LGR6: variants seen among roughly 807,000 people sequenced by gnomAD.
LGR6 encodes leucine-rich repeat-containing G protein-coupled receptor 6.
In LGR6, 45 loss-of-function variants were observed where a neutral mutation model predicts 69.4. That is an observed-to-expected ratio of 0.65 (90% confidence interval 0.51 to 0.83). The LOEUF is 0.83. LGR6 is among the 40% of genes least tolerant of loss of function. LGR6 has a pLI of 0.00. For synonymous variants in LGR6, 538 were observed against 555.0 expected (o/e 0.97, Z 0.43); for missense variants, 1,108 against 1,246.7 (o/e 0.89, Z 1.68).
At chr1:202,241,661 G>A (rs946930934) in intron 4 of LGR6, among the ~76,000 whole-genome samples, 2 of 151,822 alleles carry the variant, frequency 1.3e-5, no homozygotes, top group African/African-American at 2.4e-5. Flanking sequence ...TAGAAACTGG[G>A]TGGGGGTGAG....
intron 1 of LGR6, chr1:202,197,318 T>A (rs1343371931): frequency 2.0e-6 from 1 of 497,638 alleles, no homozygotes; most frequent in Non-Finnish European, 4.1e-6. Context: ...TTGACACACA[T>A]GTCCAAAAAC....
chr1:202,269,188 G>A (rs181763187), intron 4 of LGR6, among the ~76,000 whole-genome samples: 25 of 152,254 alleles, frequency 1.6e-4, no homozygotes, highest in Admixed American at 2.6e-4. Context: ...TTATAGACAT[G>A]AGCCACTGTG....
intron 4 of LGR6, among the ~76,000 whole-genome samples, chr1:202,266,008 C>A (rs1664616692): frequency 6.6e-6 from 1 of 152,012 alleles, no homozygotes; most frequent in Admixed American, 6.6e-5. Context: ...TCTCTCTGGT[C>A]CAAAGCTCCC....
intron 4 of LGR6, among the ~76,000 whole-genome samples, chr1:202,244,429 G>A (rs917471925): frequency 6.6e-6 from 1 of 152,154 alleles, no homozygotes; most frequent in Non-Finnish European, 1.5e-5. Flanking sequence ...TAGTTCTGAG[G>A]CCAGAAGTTC....
chr1:202,308,852 C>A (rs1438422356), intron 14 of LGR6, among the ~76,000 whole-genome samples, 199 bp from the exon 15 acceptor site: 3 of 152,212 alleles, frequency 2.0e-5, no homozygotes, highest in Non-Finnish European at 4.4e-5. Context: ...AAAGAATGAA[C>A]AACCTGCAGA....
At chr1:202,271,589 C>T (rs1338463057) in intron 4 of LGR6, among the ~76,000 whole-genome samples, 1 of 151,844 alleles carries the variant, frequency 6.6e-6, no homozygotes, top group Non-Finnish European at 1.5e-5. Context: ...GGTGGATCAC[C>T]TGAGGTCAGG....
intron 6 of LGR6, among the ~76,000 whole-genome samples, chr1:202,295,949 G>T (rs571099726): frequency 2.6e-5 from 4 of 151,478 alleles, no homozygotes; most frequent in South Asian, 4.2e-4. Flanking sequence ...CCAGATGCTT[G>T]TCACTGCCCC....
At chr1:202,262,624 G>A (rs959846339) in intron 4 of LGR6, among the ~76,000 whole-genome samples, 4 of 152,160 alleles carry the variant, frequency 2.6e-5, no homozygotes, top group African/African-American at 9.7e-5. Flanking sequence ...GCTATCATGT[G>A]CTTCTGCTCC....
chr1:202,265,834 C>T (rs1457141620), intron 4 of LGR6, among the ~76,000 whole-genome samples: 1 of 152,182 alleles, frequency 6.6e-6, no homozygotes, highest in East Asian at 1.9e-4. Context: ...CCATGGTGGG[C>T]AAGTTTCAGG....
intron 6 of LGR6, among the ~76,000 whole-genome samples, chr1:202,282,369 T>C (rs1666077912): frequency 6.6e-6 from 1 of 152,144 alleles, no homozygotes; most frequent in African/African-American, 2.4e-5. Flanking sequence ...CTAGGGTGCA[T>C]TAATGAGAAA....
In LGR6 at chr1:202,318,668, G is replaced by A. The variant is rs199906695; in HGVS notation, c.2365G>A (p.Val789Met). Residue 789 changes from valine (V) to methionine (M), a missense_variant, in exon 18 of 18, where the codon GTG (valine) becomes ATG (methionine). Physicochemically the swap from Val to Met is conservative, Grantham distance 21. Coordinates refer to ENST00000367278, the MANE Select transcript of LGR6 (RefSeq NM_001017403.2). Reference sequence around the variant, plus strand: ...CGCAGACGGGCTCCTCTACTGTCCCGTGGCCTTCCTCAGCTTTGCCTCCAT... The same window carrying A: ...CGCAGACGGGCTCCTCTACTGTCCCATGGCCTTCCTCAGCTTTGCCTCCAT... ...IFADGLLYCP[V>M]AFLSFASMLG... The A allele has an allele frequency of 1.7e-5, 28 of 1,613,594 alleles. No individual in the cohort carries two copies. The highest frequency in any genetic ancestry group is 2.2e-5 in the East Asian group (1 of 44,880).
At chr1:202,217,719 A>G (rs1659879157) in intron 1 of LGR6, among the ~76,000 whole-genome samples, 1 of 151,222 alleles carries the variant, frequency 6.6e-6, no homozygotes, top group African/African-American at 2.4e-5. Context: ...CTTCCCCCAC[A>G]TCCTGTCCTC....
intron 4 of LGR6, 129 bp downstream of exon 4, chr1:202,236,122 C>A: frequency 1.4e-6 from 1 of 705,954 alleles, no homozygotes; most frequent in Non-Finnish European, 2.5e-6. Context: ...TTCCAGACAG[C>A]ATGCCGCTCC....
At chr1:202,205,021 T>A (rs1410479403) in intron 1 of LGR6, among the ~76,000 whole-genome samples, 1 of 7,766 alleles carries the variant, frequency 1.3e-4, no homozygotes, top group Non-Finnish European at 2.1e-4. Flanking sequence ...CACACACACC[T>A]CACACACCTC....
rs190293608 is a variant in LGR6 at position 202,225,569 on chromosome 1, A to C, written c.284+75A>C. ...ATCTCTGGAACCAGAGCTCCCCAGGAGGTGGGGTGGAGAGAAGAGAAAGGG... is the reference window on the plus strand; with the variant it reads ...ATCTCTGGAACCAGAGCTCCCCAGGCGGTGGGGTGGAGAGAAGAGAAAGGG... On this transcript the variant is annotated intron_variant, in intron 2 of 17. Transcript: ENST00000367278. 1.7e-5 allele frequency: 23 copies of C among 1,354,470 alleles called. No individual in the cohort carries two copies. The African/African-American group carries it at 2.6e-4, about 15-fold the overall frequency. 83.9% of individuals were successfully genotyped at this position (1,354,470 alleles called of 1,614,324 possible).
intron 4 of LGR6, among the ~76,000 whole-genome samples, chr1:202,244,831 A>G (rs1662513615): frequency 6.6e-6 from 1 of 152,162 alleles, no homozygotes; most frequent in African/African-American, 2.4e-5. Context: ...TGGGGGTAAG[A>G]AGCTGAGGCT....
chr1:202,273,853 C>A (rs1571941191), intron 4 of LGR6, among the ~76,000 whole-genome samples: 1 of 152,084 alleles, frequency 6.6e-6, no homozygotes, highest in Non-Finnish European at 1.5e-5. Flanking sequence ...ATTCATGACA[C>A]CCCTTTCCAT....
At chr1:202,210,328 C>T (rs987092775) in intron 1 of LGR6, among the ~76,000 whole-genome samples, 1 of 150,674 alleles carries the variant, frequency 6.6e-6, no homozygotes, top group Non-Finnish European at 1.5e-5. Context: ...AAGCCCTCTG[C>T]ACATGGATGC....
intron 1 of LGR6, among the ~76,000 whole-genome samples, chr1:202,206,703 C>T (rs1382528119): frequency 6.6e-6 from 1 of 152,018 alleles, no homozygotes; most frequent in Non-Finnish European, 1.5e-5. Flanking sequence ...GTGCACACCA[C>T]CACAACCAGC....
Sources: gnomAD v4.1 joint callset for allele counts (sites outside exome capture counted in the v4.1 genomes callset) on GRCh38, gnomAD v4.1.1 for gene constraint, MANE v1.5 for transcripts, NCBI Gene and HGNC (gene_info 2026-07-23, HGNC 2026-07-21) for gene names.